Variants in TDRD3 observed in about 807,000 individuals in gnomAD.
The protein encoded by TDRD3 is tudor domain containing 3, also known as tudor domain-containing protein 3.
A neutral mutation model predicts 86.7 loss-of-function variants in TDRD3; 45 were observed. The observed-to-expected ratio is 0.52, with a 90% CI of 0.41 to 0.67. TDRD3 has a LOEUF of 0.67. Among genes scored for constraint, TDRD3 ranks in the 30% least tolerant of loss-of-function variants. TDRD3 has a pLI of 0.00. For missense variants in TDRD3, 814 were observed against 889.0 expected, an observed-to-expected ratio of 0.92 and a Z score of 1.07; for synonymous variants, 298 against 301.7, an observed-to-expected ratio of 0.99 and a Z score of 0.13.
chr13:60,469,830 G>T (rs891394119), intron 5 of TDRD3, among the ~76,000 whole-genome samples: 4 of 152,146 alleles, frequency 2.6e-5, no homozygotes, highest in Non-Finnish European at 5.9e-5. Flanking sequence ...AGTTCTATAA[G>T]TTTTAGTGCC....
At chr13:60,409,264 T>TA (rs1290014503) in intron 1 of TDRD3, among the ~76,000 whole-genome samples, 1 of 152,236 alleles carries the variant, frequency 6.6e-6, no homozygotes, top group African/African-American at 2.4e-5. Flanking sequence ...GAACCTCTGT[T>TA]AGTGTAGTGC....
chr13:60,529,255 G>A (rs749050202), intron 11 of TDRD3, 38 bp downstream of exon 11: 124 of 1,516,066 alleles, frequency 8.2e-5, no homozygotes, highest in East Asian at 1.6e-4. Context: ...CTAATATTAC[G>A]AAATGTAACA....
chr13:60,452,336 G>A (rs1192064682), intron 3 of TDRD3, among the ~76,000 whole-genome samples: 2 of 152,016 alleles, frequency 1.3e-5, no homozygotes, highest in Non-Finnish European at 2.9e-5. Context: ...TACATGGAAA[G>A]GCAGCTGATA....
At chr13:60,548,872 C>A (rs765529470) in intron 12 of TDRD3, among the ~76,000 whole-genome samples, 14 of 152,054 alleles carry the variant, frequency 9.2e-5, no homozygotes, top group Non-Finnish European at 1.8e-4. Flanking sequence ...AACCAGTAAT[C>A]CCATAGTTGC....
chr13:60,503,846 C>G (rs1956882511), intron 8 of TDRD3, among the ~76,000 whole-genome samples: 1 of 152,154 alleles, frequency 6.6e-6, no homozygotes, highest in Non-Finnish European at 1.5e-5. Flanking sequence ...ACCCTTGCAT[C>G]AGTTTATTAA....
chr13:60,517,816 C>A (rs1957207494), intron 10 of TDRD3, among the ~76,000 whole-genome samples: 1 of 152,100 alleles, frequency 6.6e-6, no homozygotes, highest in African/African-American at 2.4e-5. Context: ...AGTATCTAGT[C>A]AACAAAAAAG....
At chr13:60,400,808 A>G (rs903264996) in intron 1 of TDRD3, among the ~76,000 whole-genome samples, 1 of 152,138 alleles carries the variant, frequency 6.6e-6, no homozygotes, top group African/African-American at 2.4e-5. Context: ...GTGCATATGA[A>G]GAAACTGAAG....
At chr13:60,502,339 T>C (rs1191541713) in intron 8 of TDRD3, among the ~76,000 whole-genome samples, 1 of 152,158 alleles carries the variant, frequency 6.6e-6, no homozygotes, top group African/African-American at 2.4e-5. Context: ...CAAAATAAAC[T>C]AAAAAACAAT....
At chr13:60,458,629 G>A (rs891452308) in intron 3 of TDRD3, among the ~76,000 whole-genome samples, 26 of 152,186 alleles carry the variant, frequency 1.7e-4, no homozygotes, top group Admixed American at 1.5e-3. Context: ...TTTGGAACAT[G>A]TAGGCCTAGA....
At chr13:60,554,481 G>A (rs183437126) in intron 12 of TDRD3, among the ~76,000 whole-genome samples, 11 of 152,036 alleles carry the variant, frequency 7.2e-5, no homozygotes, top group Non-Finnish European at 2.9e-5. Context: ...CTCTTTGTCC[G>A]GAGGATCTAT....
At position 60,525,166 on chromosome 13, in the gene TDRD3, C is replaced by CTTTT. The variant is rs71199006; in HGVS notation, c.1142-3179_1142-3176dup. The stretch of plus-strand genomic sequence containing the variant: ...TTTATTTTACTATATTAAGGGAATT[C>CTTTT]TTTTTTTTTTTTTTTTTTTTTTTTT... On this transcript the variant is annotated intron_variant, in intron 10 of 13. Transcript: ENST00000377881. 2.8e-3 allele frequency among the ~76,000 whole-genome samples: 158 copies of CTTTT among 56,094 alleles called. 3 individuals carry two copies. The highest frequency in any genetic ancestry group is 3.0e-3 in the Non-Finnish European group (94 of 31,380). The allele number at this position is 56,094 out of a possible 152,430, so 36.8% of individuals were successfully genotyped here. A position where few individuals can be genotyped will look rare whatever the true frequency, so the allele number is the denominator to read the frequency against.
intron 13 of TDRD3, among the ~76,000 whole-genome samples, chr13:60,570,948 A>G (rs1169601372): frequency 6.6e-6 from 1 of 152,240 alleles, no homozygotes; most frequent in African/African-American, 2.4e-5. Context: ...AACAACGCAC[A>G]CAGTTCCTAA....
intron 3 of TDRD3, among the ~76,000 whole-genome samples, chr13:60,451,137 C>T (rs1171780981): frequency 1.3e-5 from 2 of 152,126 alleles, no homozygotes; most frequent in African/African-American, 2.4e-5. Context: ...GAATTATCTC[C>T]CTGTGGGGGA....
intron 1 of TDRD3, among the ~76,000 whole-genome samples, chr13:60,427,569 T>G (rs1328557339): frequency 6.6e-6 from 1 of 152,172 alleles, no homozygotes; most frequent in Non-Finnish European, 1.5e-5. Context: ...TGATCCCCTC[T>G]CTACGTCTTT....
At chr13:60,523,578 T>C (rs570481904) in intron 10 of TDRD3, among the ~76,000 whole-genome samples, 87 of 143,204 alleles carry the variant, frequency 6.1e-4, no homozygotes, top group South Asian at 2.5e-3. Context: ...TTTTTCTTTT[T>C]TTTTTTTTTT....
At position 60,548,020 on chromosome 13, in the gene TDRD3, G is replaced by C. The variant is rs995298406; in HGVS notation, c.2118+12787G>C. Among the ~76,000 whole-genome samples, 3 of 152,130 alleles carry C rather than the reference G, an allele frequency of 2.0e-5. No homozygotes were observed. The South Asian group carries it at 6.2e-4, about 32-fold the overall frequency. On this transcript the variant is annotated intron_variant, in intron 12 of 13. Transcript: ENST00000377881. ...TCCATTAGTTAGTAAGGTTGACTGG[G>C]AAAATGGTTATATAAATGTGCCTCT... is the stretch of plus-strand genomic sequence containing the variant.
chr13:60,457,175 A>G (rs1030124484), intron 3 of TDRD3, among the ~76,000 whole-genome samples: 19 of 152,236 alleles, frequency 1.2e-4, no homozygotes, highest in African/African-American at 4.3e-4. Flanking sequence ...TACTCATAGA[A>G]TATTTCTGAA....
rs78722259 is a variant in TDRD3, at chr13:60,523,009, T to TGTTTC, written c.1142-5358_1142-5357insGTTTC. On this transcript the variant is annotated intron_variant, in intron 10 of 13. Transcript: ENST00000377881. ...AGCCTTTAGTTGAGGCACATTATTT[T>TGTTTC]TTCACTTGCAAAATAAAGATGATAA... Among the ~76,000 whole-genome samples, 1,269 of 152,074 alleles carry TGTTTC rather than the reference T, an allele frequency of 8.3e-3. 8 individuals are homozygous for TGTTTC. The highest frequency in any genetic ancestry group is 0.024 in the Middle Eastern group (7 of 294).
intron 10 of TDRD3, among the ~76,000 whole-genome samples, chr13:60,520,607 A>G (rs895977051): frequency 1.3e-5 from 2 of 152,184 alleles, no homozygotes; most frequent in Non-Finnish European, 2.9e-5. Context: ...GCTTTAAGCT[A>G]CATTATTTGT....
Sources: allele counts gnomAD v4.1 joint callset (sites outside exome capture counted in the v4.1 genomes callset), GRCh38; gene constraint gnomAD v4.1.1; transcripts MANE v1.5; gene names NCBI Gene and HGNC (gene_info 2026-07-23, HGNC 2026-07-21).